GLDC: variants seen among roughly 807,000 people sequenced by gnomAD.
GLDC encodes the protein glycine dehydrogenase (decarboxylating), mitochondrial.
Under a neutral mutation model 121.3 loss-of-function variants are expected in GLDC, and 104 were observed. The observed-to-expected ratio is 0.86, with a 90% CI of 0.73 to 1.01. The LOEUF (loss-of-function observed/expected upper bound fraction) is 1.01. Ranked by LOEUF, GLDC falls within the 50% of genes least tolerant of loss-of-function variation. GLDC has a pLI of 0.00. For synonymous variants in GLDC, 546 were observed against 480.6 expected (o/e 1.14, Z -1.78); for missense variants, 1,429 against 1,306.6 (o/e 1.09, Z -1.44).
At chr9:6,581,925 G>C (rs749392266) in intron 15 of GLDC, among the ~76,000 whole-genome samples, 10 of 152,116 alleles carry the variant, frequency 6.6e-5, no homozygotes, top group Non-Finnish European at 1.0e-4. Context: ...TAAGGAATTA[G>C]AACATATAGG....
At chr9:6,574,673 C>G (rs867048947) in intron 15 of GLDC, among the ~76,000 whole-genome samples, 3 of 151,972 alleles carry the variant, frequency 2.0e-5, no homozygotes, top group Admixed American at 6.6e-5. Context: ...TTTACATTTC[C>G]CGAAAGACGG....
intron 4 of GLDC, 75 bp from the exon 5 acceptor site, chr9:6,606,744 CAT>C: frequency 3.3e-6 from 3 of 903,802 alleles, no homozygotes; most frequent in East Asian, 4.8e-5. Flanking sequence ...GCAAAGCAAA[CAT>C]AGTACCGAGG....
intron 2 of GLDC, among the ~76,000 whole-genome samples, chr9:6,627,948 G>A (rs1819280367): frequency 6.6e-6 from 1 of 152,204 alleles, no homozygotes; most frequent in Non-Finnish European, 1.5e-5. Context: ...GTACCTAGAA[G>A]CCCAGAGTTT....
intron 22 of GLDC, among the ~76,000 whole-genome samples, chr9:6,539,694 GA>G (rs781310058): frequency 1.3e-5 from 2 of 152,150 alleles, no homozygotes; most frequent in Non-Finnish European, 2.9e-5. Flanking sequence ...GCTACGCCAT[GA>G]CAGAGGTGGC....
At chr9:6,589,974 G>A (rs1393717604) in intron 11 of GLDC, among the ~76,000 whole-genome samples, 4 of 151,884 alleles carry the variant, frequency 2.6e-5, no homozygotes, top group Admixed American at 6.6e-5. Flanking sequence ...AGAATGGCGT[G>A]AACCTGGGAG....
At chr9:6,553,534 C>A in intron 19 of GLDC, 25 bp from the exon 20 acceptor site, 1 of 1,611,722 alleles carries the variant, frequency 6.2e-7, no homozygotes, top group Non-Finnish European at 8.5e-7. Flanking sequence ...AGTGCAAATT[C>A]AGAAAATGTA....
chr9:6,534,504 A>G (rs1477923862), intron 24 of GLDC, among the ~76,000 whole-genome samples: 1 of 151,978 alleles, frequency 6.6e-6, no homozygotes, highest in African/African-American at 2.4e-5. Flanking sequence ...TCTGTTCCCT[A>G]TGGGTTCCCA....
At chr9:6,643,232 G>A (rs905651192) in intron 2 of GLDC, among the ~76,000 whole-genome samples, 1 of 151,616 alleles carries the variant, frequency 6.6e-6, no homozygotes, top group Non-Finnish European at 1.5e-5. Flanking sequence ...AATAGATAAG[G>A]CTTCCCTCCG....
intron 2 of GLDC, among the ~76,000 whole-genome samples, chr9:6,627,295 CAAA>C (rs35067265): frequency 2.6e-5 from 2 of 77,794 alleles, no homozygotes; most frequent in Admixed American, 1.5e-4. Flanking sequence ...GACTCCATCT[CAAA>C]AAAAAAAAAA....
chr9:6,637,904 G>A (rs1442365335), intron 2 of GLDC, among the ~76,000 whole-genome samples: 67 of 151,376 alleles, frequency 4.4e-4, no homozygotes, highest in Admixed American at 4.4e-3. Context: ...GCCCAGGCTG[G>A]TCTTGAACTA....
At chr9:6,541,123 T>A (rs184239447) in intron 21 of GLDC, 36 of 152,088 alleles carry the variant, frequency 2.4e-4, no homozygotes, top group African/African-American at 8.2e-4. Flanking sequence ...TTAGAAAAAG[T>A]TTTAGATTTT....
chr9:6,620,437 T>A, intron 2 of GLDC, 118 bp from the exon 3 acceptor site: 1 of 891,178 alleles, frequency 1.1e-6, no homozygotes, highest in Non-Finnish European at 1.8e-6. Flanking sequence ...ATGGAAAATG[T>A]AAGAGTCATC....
At chr9:6,630,287 T>TAAAA (rs1819350207) in intron 2 of GLDC, among the ~76,000 whole-genome samples, 1 of 151,866 alleles carries the variant, frequency 6.6e-6, no homozygotes, top group Non-Finnish European at 1.5e-5. Flanking sequence ...AATAAATAAA[T>TAAAA]AAAATTAAAA....
chr9:6,566,490 A>T (rs189835328), intron 15 of GLDC: 16 of 152,328 alleles, frequency 1.1e-4, no homozygotes, highest in Admixed American at 9.1e-4. Context: ...ATGTGACACC[A>T]TTCCTGGCAG....
At chr9:6,580,382 C>A (rs947514843) in intron 15 of GLDC, among the ~76,000 whole-genome samples, 1 of 152,098 alleles carries the variant, frequency 6.6e-6, no homozygotes, top group Non-Finnish European at 1.5e-5. Flanking sequence ...CTAACGACAC[C>A]CAGAACCAGG....
intron 15 of GLDC, among the ~76,000 whole-genome samples, chr9:6,583,818 T>C (rs562008360): frequency 6.6e-6 from 1 of 152,292 alleles, no homozygotes; most frequent in Non-Finnish European, 1.5e-5. Flanking sequence ...AGTAGTCAAA[T>C]TCATGGAGCC....
chr9:6,606,561 C>G (rs757506640), intron 5 of GLDC, 31 bp downstream of exon 5: 4 of 1,255,518 alleles, frequency 3.2e-6, no homozygotes, highest in Non-Finnish European at 4.7e-6. Flanking sequence ...TGACATTATA[C>G]TGAGTTTAAA....
rs1755617 is a variant in GLDC at position 6,644,932 on chromosome 9, C to T, written c.256-240G>A. Reference sequence around the variant, plus strand: ...GTTGCAACCGGAGCTAACCGGTAAGCCCACTCTTAATCAGGGGGTCTTCCT... The same window carrying T: ...GTTGCAACCGGAGCTAACCGGTAAGTCCACTCTTAATCAGGGGGTCTTCCT... On this transcript the variant is annotated intron_variant, in intron 1 of 24. Transcript: ENST00000321612. The T allele has an allele frequency of 0.28, 172,460 of 616,078 alleles. 26,355 individuals are homozygous for T. Among genetic ancestry groups the T allele is most frequent in the East Asian group, 0.54 (19,643 of 36,696 alleles). The allele number at this position is 616,078 out of a possible 1,614,324, so 38.2% of individuals were successfully genotyped here.
chr9:6,644,427 ACTGT>A, intron 2 of GLDC, 183 bp downstream of exon 2: 1 of 643,600 alleles, frequency 1.6e-6, no homozygotes. Flanking sequence ...CTAACACAAA[ACTGT>A]CTGCTCCGAG....
Sources: gnomAD v4.1 joint callset for allele counts (sites outside exome capture counted in the v4.1 genomes callset) on GRCh38, gnomAD v4.1.1 for gene constraint, MANE v1.5 for transcripts, NCBI Gene and HGNC (gene_info 2026-07-23, HGNC 2026-07-21) for gene names.